Variants in MDGA2 observed in about 807,000 individuals in gnomAD.
The protein encoded by MDGA2 is MAM domain-containing glycosylphosphatidylinositol anchor protein 2.
Under a neutral mutation model 117.8 loss-of-function variants are expected in MDGA2, and 40 were observed. That is an observed-to-expected ratio of 0.34 (90% CI 0.26 to 0.44). The LOEUF (loss-of-function observed/expected upper bound fraction) is 0.44. Ranked by LOEUF, MDGA2 falls within the 20% of genes least tolerant of loss-of-function variation. The pLI, the probability that MDGA2 is intolerant of heterozygous loss-of-function variation, is 1.00. For missense variants in MDGA2, 1,123 were observed against 1,250.6 expected, an observed-to-expected ratio of 0.90 and a Z score of 1.54; for synonymous variants, 452 against 439.0, an observed-to-expected ratio of 1.03 and a Z score of -0.37.
At chr14:47,598,264 G>A (rs1056998989) in intron 1 of MDGA2, among the ~76,000 whole-genome samples, 1 of 152,162 alleles carries the variant, frequency 6.6e-6, no homozygotes. Context: ...AAACAGTCTG[G>A]TGCTTCCTCA....
chr14:47,470,272 C>T (rs1425798609), intron 1 of MDGA2, among the ~76,000 whole-genome samples: 1 of 89,592 alleles, frequency 1.1e-5, no homozygotes, highest in African/African-American at 4.0e-5. Context: ...CCAGCCCCCC[C>T]ACCCCATGAG....
intron 9 of MDGA2, 143 bp downstream of exon 9, chr14:46,957,231 T>A: frequency 1.3e-6 from 1 of 780,954 alleles, no homozygotes; most frequent in Non-Finnish European, 2.0e-6. Flanking sequence ...TAAAAATAAA[T>A]TTGTAGAAAC....
chr14:46,927,683 G>A (rs1036392407), intron 9 of MDGA2, among the ~76,000 whole-genome samples: 7 of 152,132 alleles, frequency 4.6e-5, no homozygotes, highest in Non-Finnish European at 7.4e-5. Flanking sequence ...TAGGTAAAGC[G>A]CGTTTGTACT....
At chr14:47,084,962 C>T (rs1954254) in intron 6 of MDGA2, among the ~76,000 whole-genome samples, 29,555 of 151,790 alleles carry the variant, frequency 0.19, 2,954 homozygotes, top group Admixed American at 0.29. Context: ...AATCTAAATT[C>T]TGATCAAAAT....
intron 1 of MDGA2, among the ~76,000 whole-genome samples, chr14:47,619,836 C>T (rs950462828): frequency 1.3e-5 from 2 of 152,184 alleles, no homozygotes; most frequent in African/African-American, 4.8e-5. Context: ...ATTCTAAATG[C>T]GATTGAAATT....
intron 1 of MDGA2, among the ~76,000 whole-genome samples, chr14:47,540,509 T>C (rs1221652652): frequency 9.2e-6 from 1 of 108,702 alleles, no homozygotes; most frequent in African/African-American, 3.2e-5. Flanking sequence ...TGTTTGTATA[T>C]GTATATGTAT....
At chr14:47,502,579 A>G (rs555694593) in intron 1 of MDGA2, among the ~76,000 whole-genome samples, 1 of 152,360 alleles carries the variant, frequency 6.6e-6, no homozygotes, top group South Asian at 2.1e-4. Flanking sequence ...GTTTTTATTA[A>G]ATACTACACA....
At chr14:47,631,244 G>A (rs1399196058) in intron 1 of MDGA2, among the ~76,000 whole-genome samples, 1 of 152,096 alleles carries the variant, frequency 6.6e-6, no homozygotes, top group African/African-American at 2.4e-5. Flanking sequence ...AGTGTAACCA[G>A]ATGATGACCT....
At chr14:46,900,168 C>T (rs1335456857) in intron 10 of MDGA2, among the ~76,000 whole-genome samples, 1 of 152,100 alleles carries the variant, frequency 6.6e-6, no homozygotes, top group Non-Finnish European at 1.5e-5. Context: ...GATATGACTA[C>T]ACACCTATCA....
At chr14:47,291,828 G>A (rs1419112745) in intron 2 of MDGA2, among the ~76,000 whole-genome samples, 2 of 152,260 alleles carry the variant, frequency 1.3e-5, no homozygotes, top group Non-Finnish European at 2.9e-5. Flanking sequence ...GGAGACCATC[G>A]TGTAATCATC....
chr14:46,865,410 T>G (rs1452005345), intron 14 of MDGA2, among the ~76,000 whole-genome samples: 1 of 152,108 alleles, frequency 6.6e-6, no homozygotes, highest in Non-Finnish European at 1.5e-5. Context: ...AAGAGCTATC[T>G]ATGACAAACC....
chr14:47,300,849 A>G (rs1225289528), intron 2 of MDGA2, among the ~76,000 whole-genome samples: 1 of 152,038 alleles, frequency 6.6e-6, no homozygotes, highest in Non-Finnish European at 1.5e-5. Context: ...CTCCATTTTT[A>G]TTGCTTCTAT....
chr14:46,902,235 ATTG>A (rs1883314951), intron 10 of MDGA2, among the ~76,000 whole-genome samples: 1 of 152,122 alleles, frequency 6.6e-6, no homozygotes, highest in African/African-American at 2.4e-5. Context: ...TTGCATTTGA[ATTG>A]TTATTACTAT....
rs538118127 is a variant in MDGA2 at position 47,041,203 on chromosome 14, G to C, written c.1526-5899C>G. ...GAAAAAGTTAAGGAAGTCAAGAAAA[G>C]ACTCTTCCAGTTCTCTTTTTTCTTT... is the stretch of plus-strand genomic sequence containing the variant. On this transcript the variant is annotated intron_variant, in intron 7 of 16. Coordinates refer to ENST00000399232, the MANE Select transcript of MDGA2 (RefSeq NM_001113498.3). 7.9e-5 allele frequency among the ~76,000 whole-genome samples: 12 copies of C among 152,068 alleles called. 1 individual carries two copies. In the South Asian group the frequency reaches 8.3e-4, roughly 11 times the overall value.
chr14:46,873,961 A>T lies in MDGA2; in HGVS notation c.2593+84T>A, dbSNP rs570930972. 3.2e-5 allele frequency: 35 copies of T among 1,098,644 alleles called. No individual in the cohort carries two copies. In the South Asian group the frequency reaches 6.2e-4, roughly 19 times the overall value. The allele number at this position is 1,098,644 out of a possible 1,614,324, so 68.1% of individuals were successfully genotyped here. On this transcript the variant is annotated intron_variant, in intron 13 of 16. Transcript: ENST00000399232. ...ATTTTATTCCATAATCTTCAAATAT[A>T]TGGCTAAATATTAGTATTTCATATT...
intron 1 of MDGA2, among the ~76,000 whole-genome samples, chr14:47,606,649 T>C (rs1278586306): frequency 6.6e-6 from 1 of 152,052 alleles, no homozygotes; most frequent in African/African-American, 2.4e-5. Flanking sequence ...ACCATATTAC[T>C]TTGAAAATGC....
At chr14:46,851,327 A>G (rs1881047185) in intron 15 of MDGA2, among the ~76,000 whole-genome samples, 1 of 151,852 alleles carries the variant, frequency 6.6e-6, no homozygotes, top group African/African-American at 2.4e-5. Context: ...TTTCCCTGGT[A>G]TATGATGTAA....
chr14:47,254,742 T>C (rs1010495348), intron 2 of MDGA2, among the ~76,000 whole-genome samples: 1 of 152,148 alleles, frequency 6.6e-6, no homozygotes, highest in Non-Finnish European at 1.5e-5. Context: ...CAGAGCCCCA[T>C]TACCAGTACC....
rs147620834 is a variant in MDGA2, at chr14:47,540,520, A to ATGTGTGTGTGTGTG, written c.280+133983_280+133996dup. On this transcript the variant is annotated intron_variant, in intron 1 of 16. Transcript: ENST00000399232. ...TGTGTGTTTGTATATGTATATGTAT[A>ATGTGTGTGTGTGTG]TGTGTGTGTGTGTGTGTGTGTATAT... Among the ~76,000 whole-genome samples the ATGTGTGTGTGTGTG allele has an allele frequency of 5.3e-3, 540 of 102,648 alleles. 12 individuals are homozygous for ATGTGTGTGTGTGTG. Among genetic ancestry groups the ATGTGTGTGTGTGTG allele is most frequent in the South Asian group, 0.019 (38 of 2,038 alleles). The allele number at this position is 102,648 out of a possible 152,430, so 67.3% of individuals were successfully genotyped here. A position where few individuals can be genotyped will look rare whatever the true frequency, so the allele number is the denominator to read the frequency against.
Sources: allele counts gnomAD v4.1 joint callset (sites outside exome capture counted in the v4.1 genomes callset), GRCh38; gene constraint gnomAD v4.1.1; transcripts MANE v1.5; gene names NCBI Gene and HGNC (gene_info 2026-07-23, HGNC 2026-07-21).